The following ITPRIPL2 variants were observed in gnomAD, a reference collection of about 807,000 sequenced individuals.
ITPRIPL2 encodes ITPRIP like 2.
A neutral mutation model predicts 31.7 loss-of-function variants in ITPRIPL2; 29 were observed. The observed-to-expected ratio is 0.91, with a 90% CI of 0.68 to 1.25. ITPRIPL2 has a LOEUF of 1.25. Ranked by LOEUF, ITPRIPL2 falls within the 50% of genes most tolerant of loss-of-function variation. ITPRIPL2 has a pLI of 0.00. For missense variants in ITPRIPL2, 696 were observed against 739.1 expected, an observed-to-expected ratio of 0.94 and a Z score of 0.68; for synonymous variants, 344 against 343.4, an observed-to-expected ratio of 1.00 and a Z score of -0.02.
chr16:19,121,105 G>A lies in ITPRIPL2; in HGVS notation c.*5036G>A, dbSNP rs945878731. 4.2e-5 allele frequency: 7 copies of A among 165,778 alleles called. No individual in the cohort carries two copies. The highest frequency in any genetic ancestry group is 1.5e-4 in the African/African-American group (6 of 40,998). The allele number at this position is 165,778 out of a possible 1,614,324, so 10.3% of individuals were successfully genotyped here. A position where few individuals can be genotyped will look rare whatever the true frequency, so the allele number is the denominator to read the frequency against. ...AACTTTATTTTTTTATACCTACATA[G>A]CACATGACTGGGGGGATAAAGCATG... On this transcript the variant is annotated 3_prime_UTR_variant, in exon 1 of 1. Coordinates refer to ENST00000381440, the MANE Select transcript of ITPRIPL2 (RefSeq NM_001034841.4).
rs1205587687 is a variant in ITPRIPL2 at position 19,121,031 on chromosome 16, A to G, written c.*4962A>G. 1 of 165,792 alleles carries G rather than the reference A, an allele frequency of 6.0e-6. No homozygotes were observed. The highest frequency in any genetic ancestry group is 1.5e-5 in the Non-Finnish European group (1 of 67,894). The allele number at this position is 165,792 out of a possible 1,614,324, so 10.3% of individuals were successfully genotyped here. ...AGAGGGAAACAAGTTCAGTGTTATC[A>G]TCGTGGCATTCGTTAGTTTTTTTTT... is the stretch of plus-strand genomic sequence containing the variant. On this transcript the variant is annotated 3_prime_UTR_variant, in exon 1 of 1. Coordinates refer to ENST00000381440, the MANE Select transcript of ITPRIPL2 (RefSeq NM_001034841.4).
In ITPRIPL2 at chr16:19,113,967, C is replaced by A. The variant is rs1963393760; in HGVS notation, c.-495C>A. Reference sequence around the variant, plus strand: ...GGCGGAGGCCCGGGAGGGGGCCGACCCGGCTCGCCAGCTCCACGCTCGGCT... The same window carrying A: ...GGCGGAGGCCCGGGAGGGGGCCGACACGGCTCGCCAGCTCCACGCTCGGCT... On this transcript the variant is annotated 5_prime_UTR_variant, in exon 1 of 1. Transcript: ENST00000381440. The A allele has an allele frequency of 5.1e-6, 2 of 388,568 alleles. No homozygotes were observed. Among genetic ancestry groups the A allele is most frequent in the South Asian group, 2.6e-4 (2 of 7,762 alleles). The allele number at this position is 388,568 out of a possible 1,614,324, so 24.1% of individuals were successfully genotyped here.
At position 19,117,475 on chromosome 16, in the gene ITPRIPL2, C is replaced by T. The variant is rs72779522; in HGVS notation, c.*1406C>T. The T allele has an allele frequency of 6.2e-3, 1,036 of 167,114 alleles. 5 individuals are homozygous for T. The highest frequency in any genetic ancestry group is 9.2e-3 in the Non-Finnish European group (626 of 68,108). 10.4% of individuals were successfully genotyped at this position (167,114 alleles called of 1,614,324 possible). A position where few individuals can be genotyped will look rare whatever the true frequency, so the allele number is the denominator to read the frequency against. ...GGTGTATTTTGCAGCTGGGAGGAGC[C>T]GGTCCTGGAATTCTTCCTTGTTCTC... is the stretch of plus-strand genomic sequence containing the variant. On this transcript the variant is annotated 3_prime_UTR_variant, in exon 1 of 1. Coordinates refer to ENST00000381440, the MANE Select transcript of ITPRIPL2 (RefSeq NM_001034841.4).
chr16:19,114,917 C>G lies in ITPRIPL2; in HGVS notation c.456C>G (p.Phe152Leu), dbSNP rs1251525889. Reference sequence around the variant, plus strand: ...CTGGGGGAGCGCTGGCCTTGGCCTTCCGCGGAGACTTCATCCAGGTGGGCA... The same window carrying G: ...CTGGGGGAGCGCTGGCCTTGGCCTTGCGCGGAGACTTCATCCAGGTGGGCA... ...LIPGGALALA[F>L]RGDFIQVGSA... The change falls in exon 1 of 1, where the codon TTC becomes TTG. Residue 152 changes from phenylalanine (F) to leucine (L), a missense_variant. Coordinates refer to ENST00000381440, the MANE Select transcript of ITPRIPL2 (RefSeq NM_001034841.4). 3.1e-6 allele frequency: 5 copies of G among 1,610,384 alleles called. No homozygotes were observed. The highest frequency in any genetic ancestry group is 3.3e-4 in the Middle Eastern group (2 of 6,054).
Position 19,114,721 on chromosome 16 carries a change from TCTC to T in ITPRIPL2, c.264_266del (p.Ser89del), listed in dbSNP as rs534424977. On this transcript the variant is annotated inframe_deletion, in exon 1 of 1. Transcript: ENST00000381440. Reference sequence around the variant, plus strand: ...CCCCGTCTGGAGGGTCACGCCGCCTTCTCCTCGAGACACTTCCGAGAGCCGGGC... The same window carrying T: ...CCCCGTCTGGAGGGTCACGCCGCCTTCTCGAGACACTTCCGAGAGCCGGGC... The T allele has an allele frequency of 6.8e-3, 11,010 of 1,612,692 alleles. 64 individuals carry two copies. Among genetic ancestry groups the T allele is most frequent in the South Asian group, 0.01 (950 of 91,068 alleles).
chr16:19,114,619 T>C lies in ITPRIPL2; in HGVS notation c.158T>C (p.Val53Ala), dbSNP rs760535735. 1.8e-5 allele frequency: 28 copies of C among 1,589,396 alleles called. No individual in the cohort carries two copies. The highest frequency in any genetic ancestry group is 3.5e-5 in the Admixed American group (2 of 57,376). The stretch of plus-strand genomic sequence containing the variant: ...GATGGCGGCTTCCCGTTGCTTAAGG[T>C]GGCCGTCCTGCTCCTCCTCAGCTAT... ...GVDGGFPLLK[V>A]AVLLLLSYVL... The change falls in exon 1 of 1, where the codon GTG becomes GCG. Residue 53 changes from valine (V) to alanine (A), a missense_variant. By Grantham distance (64) the Val-to-Ala change is moderately conservative. Transcript: ENST00000381440.
chr16:19,116,002 G>C lies in ITPRIPL2; in HGVS notation c.1541G>C (p.Arg514Pro). ...CTTCTCCGGGCCTACGGGGGTCCCC[G>C]CTACCTTGCCAGGTGCCCCCCACCC... ...PQLLRAYGGP[R>P]YLARCPPPRS... The change falls in exon 1 of 1, where the codon CGC becomes CCC. Residue 514 changes from arginine (R) to proline (P), a missense_variant. Physicochemically the swap from Arg to Pro is moderately radical, Grantham distance 103. Coordinates refer to ENST00000381440, the MANE Select transcript of ITPRIPL2 (RefSeq NM_001034841.4). 1 of 1,611,484 alleles carries C rather than the reference G, an allele frequency of 6.2e-7. No individual in the cohort carries two copies. The highest frequency in any genetic ancestry group is 8.5e-7 in the Non-Finnish European group (1 of 1,178,496).
Position 19,116,190 on chromosome 16 carries a change from C to A in ITPRIPL2, c.*121C>A. Reference sequence around the variant, plus strand: ...CAGAAGGCATTGGAAAATTTGGTGGCTGCCACAAGCTTTAGTGGCTTAAAT... The same window carrying A: ...CAGAAGGCATTGGAAAATTTGGTGGATGCCACAAGCTTTAGTGGCTTAAAT... On this transcript the variant is annotated 3_prime_UTR_variant, in exon 1 of 1. Coordinates refer to ENST00000381440, the MANE Select transcript of ITPRIPL2 (RefSeq NM_001034841.4). The A allele has an allele frequency of 1.0e-6, 1 of 958,278 alleles. No homozygotes were observed. Among genetic ancestry groups the A allele is most frequent in the Non-Finnish European group, 1.6e-6 (1 of 639,760 alleles). 59.4% of individuals were successfully genotyped at this position (958,278 alleles called of 1,614,324 possible). A position where few individuals can be genotyped will look rare whatever the true frequency, so the allele number is the denominator to read the frequency against.
chr16:19,114,894 G>T lies in ITPRIPL2; in HGVS notation c.433G>T (p.Gly145Trp), dbSNP rs769900510. 7.5e-6 allele frequency: 12 copies of T among 1,609,532 alleles called. No homozygotes were observed. Among genetic ancestry groups the T allele is most frequent in the Non-Finnish European group, 3.4e-6 (4 of 1,178,802 alleles). The change falls in exon 1 of 1, where the codon GGG (glycine) becomes TGG (tryptophan). Residue 145 changes from glycine (G) to tryptophan (W), a missense_variant. Gly to Trp is a radical substitution (Grantham distance 184, BLOSUM62 -2). Transcript: ENST00000381440. Reference sequence around the variant, plus strand: ...CCGGGGGTCCCCCGGTCTCATTCCTGGGGGAGCGCTGGCCTTGGCCTTCCG... The same window carrying T: ...CCGGGGGTCCCCCGGTCTCATTCCTTGGGGAGCGCTGGCCTTGGCCTTCCG... ...RARGSPGLIPGGALALAFRGD... is the reference protein window; with the variant it reads ...RARGSPGLIPWGALALAFRGD...
rs1963444572 is a variant in ITPRIPL2 at position 19,116,317 on chromosome 16, T to C, written c.*248T>C. 4.2e-6 allele frequency: 2 copies of C among 481,148 alleles called. No individual in the cohort carries two copies. The highest frequency in any genetic ancestry group is 7.5e-6 in the Non-Finnish European group (2 of 265,436). The allele number at this position is 481,148 out of a possible 1,614,324, so 29.8% of individuals were successfully genotyped here. A position where few individuals can be genotyped will look rare whatever the true frequency, so the allele number is the denominator to read the frequency against. ...AGACATCCAACAGGAGACCCAAGAA[T>C]TGGTTCAAATATTGTTCTGTGTAGA... is the stretch of plus-strand genomic sequence containing the variant. On this transcript the variant is annotated 3_prime_UTR_variant, in exon 1 of 1. Transcript: ENST00000381440.
rs772196537 is a variant in ITPRIPL2 at position 19,115,058 on chromosome 16, G to A, written c.597G>A (p.Leu199=). The A allele has an allele frequency of 1.2e-5, 19 of 1,598,300 alleles. No homozygotes were observed. The East Asian group carries it at 4.2e-4, about 36-fold the overall frequency. ...EPRSLGEEPA[L]APAFRGCFLC... ...GGAGCCTGGGCGAGGAGCCAGCGCT[G>A]GCCCCGGCCTTCCGCGGCTGCTTCT... is the stretch of plus-strand genomic sequence containing the variant. The change falls in exon 1 of 1, where the codon CTG becomes CTA. Residue 199 remains leucine, a synonymous_variant. Transcript: ENST00000381440.
chr16:19,115,885 C>G lies in ITPRIPL2; in HGVS notation c.1424C>G (p.Ala475Gly). 6.2e-7 allele frequency: 1 copy of G among 1,611,630 alleles called. No individual in the cohort carries two copies. The highest frequency in any genetic ancestry group is 8.5e-7 in the Non-Finnish European group (1 of 1,179,534). ...VGPLPKALRE[A>G]APVDLLAAFD... ...CCCCTGCCCAAGGCACTGAGGGAAGCCGCCCCAGTTGACCTCCTGGCCGCT... is the reference window on the plus strand; with the variant it reads ...CCCCTGCCCAAGGCACTGAGGGAAGGCGCCCCAGTTGACCTCCTGGCCGCT... The change falls in exon 1 of 1, where the codon GCC becomes GGC. Residue 475 changes from alanine to glycine, a missense_variant. Coordinates refer to ENST00000381440, the MANE Select transcript of ITPRIPL2 (RefSeq NM_001034841.4).
Position 19,116,211 on chromosome 16 carries a change from T to TAAATATCACCTTCTCG in ITPRIPL2, c.*143_*158dup, listed in dbSNP as rs1963443338. ...GTGGCTGCCACAAGCTTTAGTGGCT[T>TAAATATCACCTTCTCG]AAATATCACCTTCTCGCTTCACAGT... On this transcript the variant is annotated 3_prime_UTR_variant, in exon 1 of 1. Coordinates refer to ENST00000381440, the MANE Select transcript of ITPRIPL2 (RefSeq NM_001034841.4). The TAAATATCACCTTCTCG allele has an allele frequency of 2.7e-6, 2 of 736,420 alleles. No individual in the cohort carries two copies. Among genetic ancestry groups the TAAATATCACCTTCTCG allele is most frequent in the Non-Finnish European group, 4.5e-6 (2 of 445,080 alleles). The allele number at this position is 736,420 out of a possible 1,614,324, so 45.6% of individuals were successfully genotyped here. A position where few individuals can be genotyped will look rare whatever the true frequency, so the allele number is the denominator to read the frequency against.
Position 19,115,639 on chromosome 16 carries a change from C to T in ITPRIPL2, c.1178C>T (p.Ala393Val), listed in dbSNP as rs543801133. ...RDLGARGLDS[A>V]AATQWGRILS... Reference sequence around the variant, plus strand: ...CTGGGGGCCCGTGGGCTGGACTCAGCGGCCGCCACCCAGTGGGGACGCATC... The same window carrying T: ...CTGGGGGCCCGTGGGCTGGACTCAGTGGCCGCCACCCAGTGGGGACGCATC... The change falls in exon 1 of 1, where the codon GCG becomes GTG. Residue 393 changes from alanine to valine, a missense_variant. Transcript: ENST00000381440. 2.4e-5 allele frequency: 38 copies of T among 1,609,340 alleles called. No individual in the cohort carries two copies. The Admixed American group carries it at 6.2e-4, about 26-fold the overall frequency.
At position 19,119,217 on chromosome 16, in the gene ITPRIPL2, T is replaced by A; in HGVS notation, c.*3148T>A. 1 of 410,930 alleles carries A rather than the reference T, an allele frequency of 2.4e-6. No homozygotes were observed. Among genetic ancestry groups the A allele is most frequent in the Admixed American group, 4.4e-5 (1 of 22,644 alleles). The allele number at this position is 410,930 out of a possible 1,614,324, so 25.5% of individuals were successfully genotyped here. On this transcript the variant is annotated 3_prime_UTR_variant, in exon 1 of 1. Transcript: ENST00000381440. The stretch of plus-strand genomic sequence containing the variant: ...GAGAATTCGAGTGAACCAAGAGAAA[T>A]CCAAAGACCTGGGGAAGGAGGACTT...
In ITPRIPL2 at chr16:19,119,346, A is replaced by C; in HGVS notation, c.*3277A>C. ...AAACATGTTTTTAGTGCTATTTCCA[A>C]CCAGGGGTCGCAAACTCAGCAGCCT... On this transcript the variant is annotated 3_prime_UTR_variant, in exon 1 of 1. Coordinates refer to ENST00000381440, the MANE Select transcript of ITPRIPL2 (RefSeq NM_001034841.4). 2 of 278,226 alleles carry C rather than the reference A, an allele frequency of 7.2e-6. No homozygotes were observed. The highest frequency in any genetic ancestry group is 1.4e-5 in the Non-Finnish European group (2 of 140,762). The allele number at this position is 278,226 out of a possible 1,614,324, so 17.2% of individuals were successfully genotyped here. A position where few individuals can be genotyped will look rare whatever the true frequency, so the allele number is the denominator to read the frequency against.
chr16:19,114,351 G>T lies in ITPRIPL2; in HGVS notation c.-111G>T. The T allele has an allele frequency of 1.2e-6, 1 of 824,164 alleles. No individual in the cohort carries two copies. Among genetic ancestry groups the T allele is most frequent in the Non-Finnish European group, 1.6e-6 (1 of 614,530 alleles). The allele number at this position is 824,164 out of a possible 1,614,324, so 51.1% of individuals were successfully genotyped here. ...CTGCGTTCGGGAAGCCGCCGCGGAG[G>T]AGGAGACGGGGACAGCGGGGCTGCC... On this transcript the variant is annotated 5_prime_UTR_variant, in exon 1 of 1. Coordinates refer to ENST00000381440, the MANE Select transcript of ITPRIPL2 (RefSeq NM_001034841.4).
rs1963442851 is a variant in ITPRIPL2 at position 19,116,163 on chromosome 16, T to G, written c.*94T>G. ...CGGTGAAGCCAGTTAAATGCAAGAT[T>G]GCAGAAGGCATTGGAAAATTTGGTG... On this transcript the variant is annotated 3_prime_UTR_variant, in exon 1 of 1. Transcript: ENST00000381440. 7.7e-7 allele frequency: 1 copy of G among 1,306,722 alleles called. No individual in the cohort carries two copies. Among genetic ancestry groups the G allele is most frequent in the Admixed American group, 2.4e-5 (1 of 42,300 alleles). 80.9% of individuals were successfully genotyped at this position (1,306,722 alleles called of 1,614,324 possible).
At position 19,119,838 on chromosome 16, in the gene ITPRIPL2, G is replaced by A. The variant is rs975360763; in HGVS notation, c.*3769G>A. 1 of 167,046 alleles carries A rather than the reference G, an allele frequency of 6.0e-6. No homozygotes were observed. The highest frequency in any genetic ancestry group is 2.4e-5 in the African/African-American group (1 of 41,412). The allele number at this position is 167,046 out of a possible 1,614,324, so 10.3% of individuals were successfully genotyped here. ...GTCAGATCCTACATCAAACCACTTA[G>A]GGCCAGTTTTTGGCATTTCCTTCCT... On this transcript the variant is annotated 3_prime_UTR_variant, in exon 1 of 1. Coordinates refer to ENST00000381440, the MANE Select transcript of ITPRIPL2 (RefSeq NM_001034841.4).
Sources: allele counts gnomAD v4.1 joint callset, GRCh38; gene constraint gnomAD v4.1.1; transcripts MANE v1.5; gene names NCBI Gene and HGNC (gene_info 2026-07-23, HGNC 2026-07-21).